The following SEMA3C variants were observed in gnomAD, a reference collection of about 807,000 sequenced individuals.
The protein encoded by SEMA3C is semaphorin 3C.
SEMA3C carries 47 observed loss-of-function variants against 89.4 expected under a neutral mutation model. The observed-to-expected ratio is 0.53, with a 90% CI of 0.42 to 0.67. The LOEUF is 0.67. Among genes scored for constraint, SEMA3C ranks in the 30% least tolerant of loss-of-function variants. The probability of loss-of-function intolerance (pLI) is 0.00; values close to 1 mark genes in which losing one functional copy is unlikely to be tolerated. For synonymous variants in SEMA3C, 310 were observed against 320.2 expected (o/e 0.97, Z 0.34); for missense variants, 839 against 929.1 (o/e 0.90, Z 1.26).
At chr7:80,845,035 C>G (rs1790356890) in intron 2 of SEMA3C, among the ~76,000 whole-genome samples, 1 of 152,094 alleles carries the variant, frequency 6.6e-6, no homozygotes, top group South Asian at 2.1e-4. Flanking sequence ...GTGAACTCAT[C>G]AGTGAGAAAC....
chr7:80,881,209 A>ACACACT lies in SEMA3C; in HGVS notation c.103+35469_103+35470insAGTGTG, dbSNP rs1554387804. ...CACACACACACACACACACACACAC[A>ACACACT]CTCTCTCTCATGTAAAGTTTTTCAA... On this transcript the variant is annotated intron_variant, in intron 2 of 17. Coordinates refer to ENST00000265361, the MANE Select transcript of SEMA3C (RefSeq NM_006379.5). Among the ~76,000 whole-genome samples the ACACACT allele has an allele frequency of 1.1e-3, 144 of 137,004 alleles. 1 individual carries two copies. Among genetic ancestry groups the ACACACT allele is most frequent in the Admixed American group, 1.0e-2 (134 of 13,432 alleles). The allele number at this position is 137,004 out of a possible 152,430, so 89.9% of individuals were successfully genotyped here.
chr7:80,892,612 A>G (rs1791642524), intron 2 of SEMA3C, among the ~76,000 whole-genome samples: 1 of 152,114 alleles, frequency 6.6e-6, no homozygotes, highest in Non-Finnish European at 1.5e-5. Flanking sequence ...AGAAAAGCTG[A>G]TATTTTTTTC....
chr7:80,830,382 A>C (rs139806605), intron 2 of SEMA3C, among the ~76,000 whole-genome samples: 134 of 152,310 alleles, frequency 8.8e-4, no homozygotes, highest in African/African-American at 3.1e-3. Flanking sequence ...GTATTCAATA[A>C]ATTCTAATTA....
chr7:80,755,540 T>C (rs1562860247), intron 15 of SEMA3C, among the ~76,000 whole-genome samples: 1 of 151,718 alleles, frequency 6.6e-6, no homozygotes, highest in Non-Finnish European at 1.5e-5. Flanking sequence ...TATACAACTA[T>C]GGTAAAAGTC....
At position 80,753,109 on chromosome 7, in the gene SEMA3C, T is replaced by C. The variant is rs1787975020; in HGVS notation, c.1644-1773A>G. Among the ~76,000 whole-genome samples the C allele has an allele frequency of 3.9e-5, 6 of 152,238 alleles. 1 individual carries two copies. In the South Asian group the frequency reaches 1.2e-3, roughly 32 times the overall value. ...AGAAATCTACTTATGGTAGAATAGG[T>C]ATAAAATTTTGTACCACCTAAGTAT... On this transcript the variant is annotated intron_variant, in intron 15 of 17. Coordinates refer to ENST00000265361, the MANE Select transcript of SEMA3C (RefSeq NM_006379.5).
At position 80,743,803 on chromosome 7, in the gene SEMA3C, AACAAGC is replaced by A. The variant is rs1368442892; in HGVS notation, c.*1085_*1090del. The A allele has an allele frequency of 6.6e-6, 1 of 151,864 alleles. No individual in the cohort carries two copies. The allele number at this position is 151,864 out of a possible 1,614,324, so 9.4% of individuals were successfully genotyped here. Reference sequence around the variant, plus strand: ...TATTGTTTTCTTACTTTCTAGACATAACAAGCACCTTGCCATCACACTGAAAAGATC... The same window carrying A: ...TATTGTTTTCTTACTTTCTAGACATAACCTTGCCATCACACTGAAAAGATC... On this transcript the variant is annotated 3_prime_UTR_variant, in exon 18 of 18. Transcript: ENST00000265361.
At chr7:80,873,871 G>A (rs945213500) in intron 2 of SEMA3C, among the ~76,000 whole-genome samples, 1 of 152,166 alleles carries the variant, frequency 6.6e-6, no homozygotes. Context: ...TAGTTAGGAT[G>A]TTCACTGTGC....
chr7:80,788,323 A>G (rs1788851818), intron 12 of SEMA3C, among the ~76,000 whole-genome samples: 2 of 152,230 alleles, frequency 1.3e-5, no homozygotes, highest in Non-Finnish European at 2.9e-5. Context: ...ATCAGTTCCT[A>G]TAAGGTAGTT....
rs6943845 is a variant in SEMA3C, at chr7:80,820,113, T to A, written c.328-1695A>T. Among the ~76,000 whole-genome samples the A allele has an allele frequency of 9.2e-3, 1,365 of 148,228 alleles. 48 individuals are homozygous for A. The East Asian group carries it at 0.11, about 12-fold the overall frequency. ...TGCTCTGTTGCCCAGGCTGGTGTGC[T>A]GTGGCGTGATCTCAGCTCACTGCAA... is the stretch of plus-strand genomic sequence containing the variant. On this transcript the variant is annotated intron_variant, in intron 4 of 17. Transcript: ENST00000265361.
chr7:80,779,296 C>T (rs1280546148), intron 12 of SEMA3C, among the ~76,000 whole-genome samples: 1 of 152,048 alleles, frequency 6.6e-6, no homozygotes, highest in African/African-American at 2.4e-5. Context: ...AATTTAGACT[C>T]TCATGCATAG....
At chr7:80,847,731 T>C (rs1379003106) in intron 2 of SEMA3C, among the ~76,000 whole-genome samples, 25 of 152,166 alleles carry the variant, frequency 1.6e-4, no homozygotes, top group Non-Finnish European at 5.9e-5. Context: ...CTGTGGCAAC[T>C]GGTGTTAAGA....
intron 7 of SEMA3C, among the ~76,000 whole-genome samples, chr7:80,805,025 G>A (rs1033591810): frequency 4.0e-5 from 6 of 151,750 alleles, no homozygotes; most frequent in African/African-American, 9.7e-5. Context: ...GGAATAATAC[G>A]GTAAACCAAA....
chr7:80,890,816 G>A (rs1791593842), intron 2 of SEMA3C, among the ~76,000 whole-genome samples: 1 of 152,202 alleles, frequency 6.6e-6, no homozygotes, highest in Non-Finnish European at 1.5e-5. Flanking sequence ...AGTCAAATGT[G>A]CTGTGCCTTA....
Position 80,876,840 on chromosome 7 carries a change from C to T in SEMA3C, c.103+39839G>A, listed in dbSNP as rs1276180939. Among the ~76,000 whole-genome samples the T allele has an allele frequency of 2.6e-5, 4 of 152,296 alleles. No homozygotes were observed. In the East Asian group the frequency reaches 7.7e-4, roughly 29 times the overall value. ...TACGTATTCTTAAGCAGCGTGAAAA[C>T]ACTTGTCAGTAAATTGAAAATGCTG... On this transcript the variant is annotated intron_variant, in intron 2 of 17. Transcript: ENST00000265361.
intron 5 of SEMA3C, among the ~76,000 whole-genome samples, chr7:80,815,122 T>A (rs531517577): frequency 2.0e-5 from 3 of 152,288 alleles, no homozygotes; most frequent in Admixed American, 1.3e-4. Context: ...TTTATTCTCA[T>A]TAAATGAATA....
At chr7:80,751,643 G>T (rs1282598574) in intron 15 of SEMA3C, among the ~76,000 whole-genome samples, 1 of 152,014 alleles carries the variant, frequency 6.6e-6, no homozygotes, top group Non-Finnish European at 1.5e-5. Context: ...AATTAATAGT[G>T]TAAATTTTTA....
chr7:80,839,734 G>A (rs191951612), intron 2 of SEMA3C, among the ~76,000 whole-genome samples: 3 of 151,904 alleles, frequency 2.0e-5, no homozygotes, highest in East Asian at 3.9e-4. Flanking sequence ...TCAGACCAAT[G>A]TGTGTGCATT....
At chr7:80,785,196 G>A (rs1788774604) in intron 12 of SEMA3C, among the ~76,000 whole-genome samples, 1 of 152,150 alleles carries the variant, frequency 6.6e-6, no homozygotes, top group Admixed American at 6.6e-5. Context: ...ACAGTTACCA[G>A]GCACGGAGCC....
chr7:80,846,420 G>T (rs901151691), intron 2 of SEMA3C, among the ~76,000 whole-genome samples: 1 of 152,114 alleles, frequency 6.6e-6, no homozygotes, highest in Non-Finnish European at 1.5e-5. Context: ...GCAGTTGCAC[G>T]ATCACAGTTC....
Sources: gnomAD v4.1 joint callset for allele counts (sites outside exome capture counted in the v4.1 genomes callset) on GRCh38, gnomAD v4.1.1 for gene constraint, MANE v1.5 for transcripts, NCBI Gene and HGNC (gene_info 2026-07-23, HGNC 2026-07-21) for gene names.